The following FGF14 variants were observed in gnomAD, a reference collection of about 807,000 sequenced individuals.
FGF14 encodes the protein fibroblast growth factor homologous factor 4.
FGF14 carries 5 observed loss-of-function variants against 25.5 expected under a neutral mutation model. That is an observed-to-expected ratio of 0.20 (90% CI 0.10 to 0.41). The LOEUF is 0.41. FGF14 is among the 10% of genes least tolerant of loss of function. The pLI, the probability that FGF14 is intolerant of heterozygous loss-of-function variation, is 1.00. For missense variants in FGF14, 222 were observed against 320.1 expected, an observed-to-expected ratio of 0.69 and a Z score of 2.34; for synonymous variants, 138 against 118.3, an observed-to-expected ratio of 1.17 and a Z score of -1.08.
intron 1 of FGF14, 81 bp from the exon 2 acceptor site, chr13:101,875,377 T>C (rs940212122): frequency 2.1e-6 from 2 of 971,524 alleles, no homozygotes; most frequent in African/African-American, 1.6e-5. Context: ...TCTTTCTTTT[T>C]TCAGAAGAGG....
chr13:102,123,417 T>C (rs1310708409), intron 1 of FGF14, among the ~76,000 whole-genome samples: 1 of 152,180 alleles, frequency 6.6e-6, no homozygotes, highest in Admixed American at 6.5e-5. Flanking sequence ...TTAATTGAAA[T>C]GCATATAATG....
At chr13:101,928,848 C>T (rs1345844231) in intron 1 of FGF14, among the ~76,000 whole-genome samples, 1 of 145,842 alleles carries the variant, frequency 6.9e-6, no homozygotes, top group African/African-American at 2.6e-5. Context: ...ACATGGCTAT[C>T]TCTCTTTTCT....
intron 1 of FGF14, among the ~76,000 whole-genome samples, chr13:102,191,157 C>T (rs1273886037): frequency 6.6e-6 from 1 of 152,176 alleles, no homozygotes; most frequent in African/African-American, 2.4e-5. Flanking sequence ...AACAACCTTT[C>T]CCCAGGACAT....
chr13:102,357,216 T>G (rs1259488173), intron 1 of FGF14, among the ~76,000 whole-genome samples: 1 of 151,732 alleles, frequency 6.6e-6, no homozygotes, highest in Non-Finnish European at 1.5e-5. Context: ...CTCGAGGGTG[T>G]AGGATGTACA....
At chr13:102,008,931 C>T (rs1324511098) in intron 1 of FGF14, among the ~76,000 whole-genome samples, 1 of 151,940 alleles carries the variant, frequency 6.6e-6, no homozygotes, top group African/African-American at 2.4e-5. Flanking sequence ...GTATTATATC[C>T]TTAATAAAAA....
intron 1 of FGF14, among the ~76,000 whole-genome samples, chr13:102,032,264 T>C (rs987555000): frequency 6.6e-6 from 1 of 152,164 alleles, no homozygotes; most frequent in African/African-American, 2.4e-5. Context: ...TCTATTTGGC[T>C]TTCAGCCTCT....
chr13:102,265,946 A>C (rs2052969507), intron 1 of FGF14, among the ~76,000 whole-genome samples: 1 of 152,104 alleles, frequency 6.6e-6, no homozygotes, highest in South Asian at 2.1e-4. Flanking sequence ...TCATTTAAAA[A>C]ATTGATTAAA....
At position 102,385,790 on chromosome 13, in the gene FGF14, T is replaced by C. The variant is rs543338421; in HGVS notation, c.208+15681A>G. Among the ~76,000 whole-genome samples, 3 of 152,264 alleles carry C rather than the reference T, an allele frequency of 2.0e-5. No homozygotes were observed. In the East Asian group the frequency reaches 5.8e-4, roughly 29 times the overall value. ...ACTTAAAATTTTGTCCCAAGCTAAA[T>C]GTCTGGCATACATACACACCCATAA... On this transcript the variant is annotated intron_variant, in intron 1 of 4. Transcript: ENST00000376131.
intron 1 of FGF14, among the ~76,000 whole-genome samples, chr13:102,117,784 G>A (rs1280571958): frequency 6.6e-6 from 1 of 152,086 alleles, no homozygotes; most frequent in Non-Finnish European, 1.5e-5. Context: ...TAAGGACAGG[G>A]AAAAATAAGA....
At chr13:102,323,519 A>C in intron 1 of FGF14, among the ~76,000 whole-genome samples, 1 of 152,314 alleles carries the variant, frequency 6.6e-6, no homozygotes, top group African/African-American at 2.4e-5. Context: ...ACATTGGTAA[A>C]GATCAAAAGC....
At chr13:101,809,426 A>C (rs1055316553) in intron 3 of FGF14, among the ~76,000 whole-genome samples, 1 of 152,158 alleles carries the variant, frequency 6.6e-6, no homozygotes, top group Non-Finnish European at 1.5e-5. Context: ...TGAAGAGTTT[A>C]TCATAAAATC....
intron 1 of FGF14, among the ~76,000 whole-genome samples, chr13:102,366,118 T>C (rs1405685414): frequency 1.3e-5 from 2 of 152,146 alleles, no homozygotes; most frequent in Non-Finnish European, 2.9e-5. Flanking sequence ...CACAAGGTTA[T>C]TAAAACAGCG....
chr13:101,889,390 A>C (rs955645231), intron 1 of FGF14, among the ~76,000 whole-genome samples: 5 of 152,166 alleles, frequency 3.3e-5, no homozygotes, highest in Non-Finnish European at 5.9e-5. Context: ...AAAGTATTTG[A>C]AGAAAGGAAT....
chr13:102,276,023 G>C (rs1474079530), intron 1 of FGF14, among the ~76,000 whole-genome samples: 1 of 151,772 alleles, frequency 6.6e-6, no homozygotes, highest in Non-Finnish European at 1.5e-5. Flanking sequence ...AGATTAAAGT[G>C]GAATTTTACT....
chr13:102,286,372 C>G (rs998721957), intron 1 of FGF14, among the ~76,000 whole-genome samples: 5 of 151,998 alleles, frequency 3.3e-5, no homozygotes, highest in African/African-American at 1.2e-4. Context: ...CAAAATGCCC[C>G]CTTTCCTCTT....
Position 102,261,918 on chromosome 13 carries a change from T to A in FGF14, c.208+139553A>T, listed in dbSNP as rs78833386. Among the ~76,000 whole-genome samples, 1,282 of 152,266 alleles carry A rather than the reference T, an allele frequency of 8.4e-3. 16 individuals carry two copies. The highest frequency in any genetic ancestry group is 0.029 in the African/African-American group (1,190 of 41,546). ...TAAAATGCTTGACAGATGGGATGCA[T>A]GGCTTCATTAGCAACTGTATCAGGA... On this transcript the variant is annotated intron_variant, in intron 1 of 4. Coordinates refer to the FGF14 transcript ENST00000376131.
In FGF14 at chr13:101,722,360, TA is replaced by T; in HGVS notation, c.*470del. ...ACAGACAGTGGAGCGAGCAGCCCTG[TA>T]AAAATGGGAAGAAGAGAAATCCGTA... On this transcript the variant is annotated 3_prime_UTR_variant, in exon 5 of 5. Transcript: ENST00000376143. 1 of 230,910 alleles carries T rather than the reference TA, an allele frequency of 4.3e-6. No homozygotes were observed. 14.3% of individuals were successfully genotyped at this position (230,910 alleles called of 1,614,324 possible).
chr13:101,845,119 A>T lies in FGF14; in HGVS notation c.408+23606T>A, dbSNP rs76815855. Among the ~76,000 whole-genome samples, 633 of 152,162 alleles carry T rather than the reference A, an allele frequency of 4.2e-3. 6 individuals carry two copies. The highest frequency in any genetic ancestry group is 0.014 in the African/African-American group (592 of 41,548). ...GTCAGGTAATGTCAGCAACTCAGAAAATAGACAATAATACAGTACGCCTTC... is the reference window on the plus strand; with the variant it reads ...GTCAGGTAATGTCAGCAACTCAGAATATAGACAATAATACAGTACGCCTTC... On this transcript the variant is annotated intron_variant, in intron 3 of 4. Transcript: ENST00000376143.
chr13:102,243,105 C>CTA (rs1281824554), intron 1 of FGF14, among the ~76,000 whole-genome samples: 3 of 152,020 alleles, frequency 2.0e-5, no homozygotes, highest in Admixed American at 6.6e-5. Flanking sequence ...TGGTGGTCAG[C>CTA]TACAATAAAG....
Sources: allele counts gnomAD v4.1 joint callset (sites outside exome capture counted in the v4.1 genomes callset), GRCh38; gene constraint gnomAD v4.1.1; transcripts MANE v1.5; gene names NCBI Gene and HGNC (gene_info 2026-07-23, HGNC 2026-07-21).